H2BC4: variants seen among roughly 807,000 people sequenced by gnomAD.
The protein encoded by H2BC4 is H2B clustered histone 4, also known as histone H2B type 1-C/E/F/G/I.
In H2BC4, 10 loss-of-function variants were observed where a neutral mutation model predicts 6.2. That is an observed-to-expected ratio of 1.61 (90% CI 0.99 to 2.73). The LOEUF is 2.73. H2BC4 is among the 30% of genes most tolerant of loss of function. The probability of loss-of-function intolerance (pLI) is 0.00; values close to 1 mark genes in which losing one functional copy is unlikely to be tolerated. For synonymous variants in H2BC4, 146 were observed against 70.7 expected (o/e 2.07, Z -5.35); for missense variants, 176 against 168.7 (o/e 1.04, Z -0.24).
downstream of H2BC4, among the ~76,000 whole-genome samples, chr6:26,122,596 C>A (rs1763516106): frequency 1.3e-5 from 2 of 152,166 alleles, no homozygotes; most frequent in African/African-American, 4.8e-5. Flanking sequence ...CCTCTTCATT[C>A]TCCCCCACCC....
chr6:26,113,373 G>A (rs1238699608), downstream of H2BC4, among the ~76,000 whole-genome samples: 2 of 152,158 alleles, frequency 1.3e-5, no homozygotes, highest in Non-Finnish European at 2.9e-5. Flanking sequence ...TGTTTTACAT[G>A]GGTAAGTTGT....
At chr6:26,117,503 C>T (rs540313409) in intron 1 of H2BC4, among the ~76,000 whole-genome samples, 103 of 152,276 alleles carry the variant, frequency 6.8e-4, no homozygotes, top group Non-Finnish European at 1.1e-3. Flanking sequence ...AGAAGCTTCA[C>T]TTTTTGTCAT....
rs756501130 is a variant in H2BC4, at chr6:26,123,773, C to T, written c.132G>A (p.Lys44=). The T allele has an allele frequency of 6.8e-6, 11 of 1,614,150 alleles. No individual in the cohort carries two copies. The African/African-American group carries it at 1.2e-4, about 18-fold the overall frequency. The part of the protein sequence containing the change: ...RKESYSVYVY[K]VLKQVHPDTG... ...TGTCGGGATGGACCTGTTTCAGCACCTTGTACACGTACACAGAGTAACTCT... is the reference window on the plus strand; with the variant it reads ...TGTCGGGATGGACCTGTTTCAGCACTTTGTACACGTACACAGAGTAACTCT... Residue 44 remains lysine (K), a synonymous_variant, in exon 1 of 1, where the codon AAG becomes AAA. Coordinates refer to ENST00000396984, the MANE Select transcript of H2BC4 (RefSeq NM_003526.3).
intron 1 of H2BC4, among the ~76,000 whole-genome samples, chr6:26,115,662 C>T (rs971687637): frequency 5.3e-5 from 8 of 152,234 alleles, no homozygotes; most frequent in East Asian, 1.9e-4. Flanking sequence ...CTCCAACATG[C>T]TCTTACTCTG....
downstream of H2BC4, among the ~76,000 whole-genome samples, chr6:26,121,908 C>A (rs1390662686): frequency 1.3e-5 from 2 of 151,902 alleles, no homozygotes; most frequent in East Asian, 3.9e-4. Flanking sequence ...CAAAATTAGC[C>A]AGGGTGTCGT....
At chr6:26,116,335 G>T (rs748108829) in intron 1 of H2BC4, among the ~76,000 whole-genome samples, 1 of 152,086 alleles carries the variant, frequency 6.6e-6, no homozygotes, top group Admixed American at 6.6e-5. Context: ...GGATGATAAG[G>T]TTACATGAAT....
chr6:26,123,314 A>G, downstream of H2BC4: 1 of 910,330 alleles, frequency 1.1e-6, no homozygotes, highest in Non-Finnish European at 1.6e-6. Context: ...CCCCAAAGCC[A>G]TTTTTAATGG....
downstream of H2BC4, among the ~76,000 whole-genome samples, chr6:26,119,866 A>G (rs1019131736): frequency 6.6e-6 from 1 of 152,008 alleles, no homozygotes; most frequent in Admixed American, 6.5e-5. Context: ...ACCTAATAAA[A>G]GAGGTATTAA....
chr6:26,114,920 T>C (rs1319078004), exon 2 of H2BC4: 1 of 152,156 alleles, frequency 6.6e-6, no homozygotes, highest in African/African-American at 2.4e-5. Flanking sequence ...TCCTGTGTCA[T>C]AAATTTCTAT....
downstream of H2BC4, among the ~76,000 whole-genome samples, chr6:26,113,848 G>A (rs1763388163): frequency 6.7e-6 from 1 of 149,150 alleles, no homozygotes; most frequent in South Asian, 2.1e-4. Context: ...TATGTGCAGA[G>A]CTCCCTCTCT....
In H2BC4 at chr6:26,123,483, G is replaced by A; in HGVS notation, c.*41C>T. 2 of 1,611,554 alleles carry A rather than the reference G, an allele frequency of 1.2e-6. No individual in the cohort carries two copies. Among genetic ancestry groups the A allele is most frequent in the Non-Finnish European group, 1.7e-6 (2 of 1,179,130 alleles). ...GTGGGTATCTGGGTGGCTCTTAAAAGAGCCTTTGGGGTTAGGTGTTAAGAC... is the reference window on the plus strand; with the variant it reads ...GTGGGTATCTGGGTGGCTCTTAAAAAAGCCTTTGGGGTTAGGTGTTAAGAC... On this transcript the variant is annotated 3_prime_UTR_variant, in exon 1 of 1. Coordinates refer to ENST00000396984, the MANE Select transcript of H2BC4 (RefSeq NM_003526.3).
chr6:26,122,078 A>C (rs1763505853), downstream of H2BC4, among the ~76,000 whole-genome samples: 1 of 151,948 alleles, frequency 6.6e-6, no homozygotes, highest in Non-Finnish European at 1.5e-5. Context: ...AAAAGAAAAA[A>C]AAATTTACTT....
downstream of H2BC4, among the ~76,000 whole-genome samples, chr6:26,118,646 GCTGT>G (rs1254431202): frequency 6.6e-6 from 1 of 152,186 alleles, no homozygotes; most frequent in East Asian, 1.9e-4. Flanking sequence ...GAAGGAAGAA[GCTGT>G]CTATTTCAGA....
downstream of H2BC4, chr6:26,123,299 A>G: frequency 1.3e-6 from 1 of 757,372 alleles, no homozygotes; most frequent in Non-Finnish European, 2.0e-6. Context: ...AGCACAACGA[A>G]TTGACCCCAA....
chr6:26,115,275 C>T (rs963826843), intron 1 of H2BC4: 2 of 152,200 alleles, frequency 1.3e-5, no homozygotes, highest in African/African-American at 4.8e-5. Flanking sequence ...GTGTTTTAAG[C>T]ACTTTACACA....
At chr6:26,122,593 A>G (rs1017896741), downstream of H2BC4, among the ~76,000 whole-genome samples, 1 of 152,122 alleles carries the variant, frequency 6.6e-6, no homozygotes, top group Non-Finnish European at 1.5e-5. Flanking sequence ...TCTCCTCTTC[A>G]TTCTCCCCCA....
At chr6:26,118,546 T>G (rs1363480177), downstream of H2BC4, among the ~76,000 whole-genome samples, 1 of 152,192 alleles carries the variant, frequency 6.6e-6, no homozygotes. Flanking sequence ...TGCTTGTTTT[T>G]TAATACTTGG....
intron 1 of H2BC4, among the ~76,000 whole-genome samples, chr6:26,117,001 G>T (rs1295357008): frequency 6.6e-6 from 1 of 152,146 alleles, no homozygotes; most frequent in Non-Finnish European, 1.5e-5. Context: ...GTCTGTCAAT[G>T]TGCTGAATAT....
At position 26,123,606 on chromosome 6, in the gene H2BC4, C is replaced by A; in HGVS notation, c.299G>T (p.Arg100Leu). The change falls in exon 1 of 1, where the codon CGC becomes CTC. Residue 100 changes from arginine to leucine, a missense_variant. Coordinates refer to ENST00000396984, the MANE Select transcript of H2BC4 (RefSeq NM_003526.3). Reference protein sequence around the residue: ...ITSREIQTAVRLLLPGELAKH... With the variant: ...ITSREIQTAVLLLLPGELAKH... Reference sequence around the variant, plus strand: ...GGCCAGCTCTCCGGGAAGCAGCAGGCGCACGGCCGTCTGGATCTCCCTGGA... The same window carrying A: ...GGCCAGCTCTCCGGGAAGCAGCAGGAGCACGGCCGTCTGGATCTCCCTGGA... 6.2e-7 allele frequency: 1 copy of A among 1,614,248 alleles called. No homozygotes were observed. Among genetic ancestry groups the A allele is most frequent in the Non-Finnish European group, 8.5e-7 (1 of 1,180,046 alleles).
Sources: gnomAD v4.1 joint callset for allele counts (sites outside exome capture counted in the v4.1 genomes callset) on GRCh38, gnomAD v4.1.1 for gene constraint, MANE v1.5 for transcripts, NCBI Gene and HGNC (gene_info 2026-07-23, HGNC 2026-07-21) for gene names.